PEX3: variants seen among roughly 807,000 people sequenced by gnomAD.
PEX3 encodes the protein peroxisomal biogenesis factor 3, also known as peroxin-3.
PEX3 carries 30 observed loss-of-function variants against 55.8 expected under a neutral mutation model. The observed-to-expected ratio is 0.54, with a 90% CI of 0.40 to 0.73. The LOEUF (loss-of-function observed/expected upper bound fraction) is 0.73, where lower values mean the gene tolerates loss of function less well. Among genes scored for constraint, PEX3 ranks in the 30% least tolerant of loss-of-function variants. PEX3 has a pLI of 0.00. For synonymous variants in PEX3, 135 were observed against 148.4 expected, an observed-to-expected ratio of 0.91 and a Z score of 0.66; for missense variants, 351 against 432.8, an observed-to-expected ratio of 0.81 and a Z score of 1.68.
rs563982781 is a variant in PEX3 at position 143,450,879 on chromosome 6, G to T, written c.-164G>T. 1.3e-5 allele frequency: 10 copies of T among 794,636 alleles called. No homozygotes were observed. The Admixed American group carries it at 1.8e-4, about 14-fold the overall frequency. The allele number at this position is 794,636 out of a possible 1,614,324, so 49.2% of individuals were successfully genotyped here. A position where few individuals can be genotyped will look rare whatever the true frequency, so the allele number is the denominator to read the frequency against. On this transcript the variant is annotated 5_prime_UTR_variant, in exon 1 of 12. Coordinates refer to ENST00000367591, the MANE Select transcript of PEX3 (RefSeq NM_003630.3). The stretch of plus-strand genomic sequence containing the variant: ...TTGCTGTAGTCCACGCCCCCTTGCC[G>T]CTCCGGTGACAGTCTCTGCGGAAAG...
chr6:143,456,962 A>G (rs1191407127), intron 1 of PEX3, among the ~76,000 whole-genome samples: 1 of 152,206 alleles, frequency 6.6e-6, no homozygotes, highest in Non-Finnish European at 1.5e-5. Flanking sequence ...CTATGCTGAA[A>G]TGTGTTAAAT....
In PEX3 at chr6:143,487,110, T is replaced by C. The variant is rs1263155461; in HGVS notation, c.1038+1862T>C. On this transcript the variant is annotated intron_variant, in intron 11 of 11. Coordinates refer to ENST00000367591, the MANE Select transcript of PEX3 (RefSeq NM_003630.3). The surrounding 1 kb of genome is among the most constrained non-coding windows in gnomAD (Gnocchi z 5.3). The stretch of plus-strand genomic sequence containing the variant: ...TTTTTCAAATTATTTTCAAATAGCT[T>C]TCAAATAACATAAGCAGGAGATAAA... Among the ~76,000 whole-genome samples, 1 of 152,136 alleles carries C rather than the reference T, an allele frequency of 6.6e-6. No homozygotes were observed. Among genetic ancestry groups the C allele is most frequent in the Non-Finnish European group, 1.5e-5 (1 of 68,018 alleles).
In PEX3 at chr6:143,459,809, A is replaced by G. The variant is rs1160686638; in HGVS notation, c.205+593A>G. On this transcript the variant is annotated intron_variant, in intron 2 of 11. Transcript: ENST00000367591. This position sits in a 1 kb window ranked among gnomAD's most constrained non-coding sequence, Gnocchi z 4.2. ...CTTGATCCCATCGGGCCTGTGGGCC[A>G]TAGGAAAGAGTCATTAAGTTTATTA... 6.6e-6 allele frequency among the ~76,000 whole-genome samples: 1 copy of G among 152,258 alleles called. No homozygotes were observed. The highest frequency in any genetic ancestry group is 1.5e-5 in the Non-Finnish European group (1 of 68,046).
rs1288019160 is a variant in PEX3, at chr6:143,463,571, G to C, written c.287+574G>C. On this transcript the variant is annotated intron_variant, in intron 3 of 11. Transcript: ENST00000367591. The surrounding 1 kb of genome is among the most constrained non-coding windows in gnomAD (Gnocchi z 5.7). ...AGCATGTGTTGGGGTATTGTAATTT[G>C]GTATGATACTGTATTAGTTTGAGAA... Among the ~76,000 whole-genome samples, 1 of 152,000 alleles carries C rather than the reference G, an allele frequency of 6.6e-6. No homozygotes were observed. Among genetic ancestry groups the C allele is most frequent in the Non-Finnish European group, 1.5e-5 (1 of 67,992 alleles).
chr6:143,481,934 C>G (rs1780247184), intron 10 of PEX3, among the ~76,000 whole-genome samples: 1 of 151,646 alleles, frequency 6.6e-6, no homozygotes, highest in African/African-American at 2.4e-5. Context: ...TGCCACTGTA[C>G]TCCAGTCTGA....
intron 4 of PEX3, among the ~76,000 whole-genome samples, chr6:143,468,750 G>A (rs1199365524): frequency 6.7e-6 from 1 of 149,896 alleles, no homozygotes; most frequent in African/African-American, 2.4e-5. Flanking sequence ...CCATGTTGGT[G>A]TGCTGCACCC....
chr6:143,480,133 C>A (rs1194402739), intron 10 of PEX3, among the ~76,000 whole-genome samples: 4 of 151,994 alleles, frequency 2.6e-5, no homozygotes, highest in Admixed American at 1.3e-4. Context: ...ATTTGGAATG[C>A]TTACAGCCAT....
At chr6:143,480,671 A>G (rs540998740) in intron 10 of PEX3, among the ~76,000 whole-genome samples, 54 of 152,294 alleles carry the variant, frequency 3.5e-4, no homozygotes, top group African/African-American at 1.2e-3. Context: ...CATTTCCATC[A>G]AGCCTATTGT....
In PEX3 at chr6:143,479,344, C is replaced by T; in HGVS notation, c.941+146C>T. 9.4e-6 allele frequency: 6 copies of T among 635,600 alleles called. No homozygotes were observed. In the South Asian group the frequency reaches 1.1e-4, roughly 12 times the overall value. The allele number at this position is 635,600 out of a possible 1,614,324, so 39.4% of individuals were successfully genotyped here. Reference sequence around the variant, plus strand: ...AAATTAAACTCTGTTAAACCAACAACTTCTTCACTAGCAGAAGCTCCTTCT... The same window carrying T: ...AAATTAAACTCTGTTAAACCAACAATTTCTTCACTAGCAGAAGCTCCTTCT... On this transcript the variant is annotated intron_variant, in intron 10 of 11. Transcript: ENST00000367591. This position sits in a 1 kb window ranked among gnomAD's most constrained non-coding sequence, Gnocchi z 4.6.
chr6:143,479,085 T>C lies in PEX3; in HGVS notation c.828T>C (p.Phe276=), dbSNP rs1780192409. ...TTCTTACTTTATATAGCCCAGATTT[T>C]AGTACAGTTTTGAATACCTGTTTAA... ...ETRDMLESPD[F]STVLNTCLNR... is the part of the protein sequence containing the mutation. Residue 276 remains phenylalanine, a synonymous_variant, in exon 10 of 12, where the codon TTT becomes TTC. Transcript: ENST00000367591. This position sits in a 1 kb window ranked among gnomAD's most constrained non-coding sequence, Gnocchi z 4.6. 4 of 1,569,386 alleles carry C rather than the reference T, an allele frequency of 2.5e-6. No homozygotes were observed. Among genetic ancestry groups the C allele is most frequent in the Middle Eastern group, 3.3e-4 (2 of 5,974 alleles).
rs1199501618 is a variant in PEX3, at chr6:143,468,828, C to T, written c.331+663C>T. ...CCCCCCCCCCCCACCCCACGACAGG[C>T]CCCAGTGTCGACAGGCCCCAGTGTG... On this transcript the variant is annotated intron_variant, in intron 4 of 11. Transcript: ENST00000367591. Among the ~76,000 whole-genome samples the T allele has an allele frequency of 2.4e-5, 3 of 123,778 alleles. No individual in the cohort carries two copies. In the Admixed American group the frequency reaches 3.0e-4, roughly 12 times the overall value. 81.2% of individuals were successfully genotyped at this position (123,778 alleles called of 152,430 possible).
chr6:143,474,783 T>C lies in PEX3; in HGVS notation c.748-3T>C, dbSNP rs1562655733. 6.6e-7 allele frequency: 1 copy of C among 1,523,268 alleles called. No homozygotes were observed. The highest frequency in any genetic ancestry group is 9.1e-7 in the Non-Finnish European group (1 of 1,097,364). 94.4% of individuals were successfully genotyped at this position (1,523,268 alleles called of 1,614,324 possible). ...CCTTAAGTGTGACATTTTAATTCTA[T>C]AGGCCTGTGGACTTTCTCCTCGAGA... On this transcript the variant is annotated splice_region_variant and splice_polypyrimidine_tract_variant and intron_variant, in intron 8 of 11. Transcript: ENST00000367591.
Position 143,479,250 on chromosome 6 carries a change from G to T in PEX3, c.941+52G>T. The T allele has an allele frequency of 7.1e-7, 1 of 1,408,928 alleles. No homozygotes were observed. The highest frequency in any genetic ancestry group is 1.0e-6 in the Non-Finnish European group (1 of 995,188). 87.3% of individuals were successfully genotyped at this position (1,408,928 alleles called of 1,614,324 possible). On this transcript the variant is annotated intron_variant, in intron 10 of 11. Transcript: ENST00000367591. The surrounding 1 kb of genome is among the most constrained non-coding windows in gnomAD (Gnocchi z 4.6). ...CTAATGAATGCTCTAAAAAAATGGT[G>T]CTTTGCTTGTCTTTTTGTTCCAGAT...
intron 2 of PEX3, among the ~76,000 whole-genome samples, chr6:143,461,722 G>A (rs1349704047): frequency 4.6e-5 from 7 of 152,180 alleles, no homozygotes; most frequent in Non-Finnish European, 8.8e-5. Flanking sequence ...AAAGGTGGGA[G>A]GATTGCTAGA....
chr6:143,459,303 A>AG lies in PEX3; in HGVS notation c.205+89dup. 1 of 1,133,174 alleles carries AG rather than the reference A, an allele frequency of 8.8e-7. No homozygotes were observed. Among genetic ancestry groups the AG allele is most frequent in the South Asian group, 1.3e-5 (1 of 79,438 alleles). 70.2% of individuals were successfully genotyped at this position (1,133,174 alleles called of 1,614,324 possible). A position where few individuals can be genotyped will look rare whatever the true frequency, so the allele number is the denominator to read the frequency against. ...TCACCGGGATCAAATTTAGAGGAAAAGGCAAAGAAAAGATGGTAAATCTAG... is the reference window on the plus strand; with the variant it reads ...TCACCGGGATCAAATTTAGAGGAAAAGGGCAAAGAAAAGATGGTAAATCTAG... On this transcript the variant is annotated intron_variant, in intron 2 of 11. Coordinates refer to ENST00000367591, the MANE Select transcript of PEX3 (RefSeq NM_003630.3). This position sits in a 1 kb window ranked among gnomAD's most constrained non-coding sequence, Gnocchi z 4.2.
In PEX3 at chr6:143,465,812, A is replaced by C. The variant is rs192027125; in HGVS notation, c.288-2310A>C. 6.6e-6 allele frequency among the ~76,000 whole-genome samples: 1 copy of C among 152,066 alleles called. No homozygotes were observed. Among genetic ancestry groups the C allele is most frequent in the South Asian group, 2.1e-4 (1 of 4,834 alleles). On this transcript the variant is annotated intron_variant, in intron 3 of 11. Coordinates refer to ENST00000367591, the MANE Select transcript of PEX3 (RefSeq NM_003630.3). The surrounding 1 kb of genome is among the most constrained non-coding windows in gnomAD (Gnocchi z 4.7). Reference sequence around the variant, plus strand: ...CTAGGAAAGAGGTAACTGAAACTATAGAGTCTGCTCATTGGCAAAGAAAGA... The same window carrying C: ...CTAGGAAAGAGGTAACTGAAACTATCGAGTCTGCTCATTGGCAAAGAAAGA...
Position 143,483,774 on chromosome 6 carries a change from G to A in PEX3, c.942-1378G>A, listed in dbSNP as rs1297092038. On this transcript the variant is annotated intron_variant, in intron 10 of 11. Transcript: ENST00000367591. The surrounding 1 kb of genome is among the most constrained non-coding windows in gnomAD (Gnocchi z 4.3). Reference sequence around the variant, plus strand: ...GAAGACTTATTAATCAATTCAACAAGTATGTATTGGATGTCCACTGTACAC... The same window carrying A: ...GAAGACTTATTAATCAATTCAACAAATATGTATTGGATGTCCACTGTACAC... 2.6e-5 allele frequency among the ~76,000 whole-genome samples: 4 copies of A among 152,086 alleles called. No individual in the cohort carries two copies. In the South Asian group the frequency reaches 6.2e-4, roughly 24 times the overall value.
rs993101766 is a variant in PEX3 at position 143,476,341 on chromosome 6, A to G, written c.818+1485A>G. On this transcript the variant is annotated intron_variant, in intron 9 of 11. Transcript: ENST00000367591. This position sits in a 1 kb window ranked among gnomAD's most constrained non-coding sequence, Gnocchi z 5.4. ...AGATGGAAACTCCAGAGTATGTTGA[A>G]CCTTGTAGTCCATGATAGGAAATTT... 2.0e-5 allele frequency among the ~76,000 whole-genome samples: 3 copies of G among 152,224 alleles called. No individual in the cohort carries two copies. The highest frequency in any genetic ancestry group is 7.2e-5 in the African/African-American group (3 of 41,462).
rs898115801 is a variant in PEX3, at chr6:143,475,030, G to A, written c.818+174G>A. Among the ~76,000 whole-genome samples, 1 of 152,102 alleles carries A rather than the reference G, an allele frequency of 6.6e-6. No individual in the cohort carries two copies. The highest frequency in any genetic ancestry group is 1.5e-5 in the Non-Finnish European group (1 of 67,998). ...TCCTACTCAAACTGGAGGGAAGCAG[G>A]GATTTCTTAGGGTAACTCAGCTACT... On this transcript the variant is annotated intron_variant, in intron 9 of 11. Transcript: ENST00000367591. This position sits in a 1 kb window ranked among gnomAD's most constrained non-coding sequence, Gnocchi z 4.4.
Sources: allele counts gnomAD v4.1 joint callset (sites outside exome capture counted in the v4.1 genomes callset), GRCh38; gene constraint gnomAD v4.1.1; non-coding constraint Gnocchi (gnomAD v3.1); transcripts MANE v1.5; gene names NCBI Gene and HGNC (gene_info 2026-07-23, HGNC 2026-07-21).